The following NBEA variants were observed in gnomAD, a reference collection of about 807,000 sequenced individuals.
NBEA encodes the protein neurobeachin, also known as lysosomal-trafficking regulator 2.
In NBEA, 44 loss-of-function variants were observed where a neutral mutation model predicts 343.4. The ratio of observed to expected loss-of-function variants is 0.13; its 90% confidence interval spans 0.10 to 0.16. NBEA has a LOEUF of 0.16. NBEA is among the 10% of genes least tolerant of loss of function. The pLI is 1.00. For missense variants in NBEA, 2,555 were observed against 3,631.3 expected (o/e 0.70, Z 7.62); for synonymous variants, 1,175 against 1,238.7 (o/e 0.95, Z 1.08).
chr13:35,649,031 A>AAAG (rs139421615), intron 51 of NBEA, among the ~76,000 whole-genome samples: 25 of 152,150 alleles, frequency 1.6e-4, no homozygotes, highest in East Asian at 1.9e-4. Context: ...AATTAAAAAA[A>AAAG]AAGAAGAAGA....
intron 27 of NBEA, 101 bp from the exon 28 acceptor site, chr13:35,176,895 G>A (rs1326955533): frequency 4.3e-6 from 3 of 693,538 alleles, no homozygotes; most frequent in Admixed American, 4.7e-5. Context: ...TCAGAGAGGT[G>A]GAGATACATG....
chr13:35,654,688 C>A (rs2084723761), intron 53 of NBEA, among the ~76,000 whole-genome samples, 167 bp from the exon 54 acceptor site: 1 of 152,094 alleles, frequency 6.6e-6, no homozygotes, highest in Admixed American at 6.6e-5. Flanking sequence ...TAAATAATTA[C>A]TGCGAAGGAA....
intron 6 of NBEA, among the ~76,000 whole-genome samples, chr13:35,055,464 C>G (rs2063220541): frequency 6.6e-6 from 1 of 151,990 alleles, no homozygotes; most frequent in Non-Finnish European, 1.5e-5. Context: ...TTGAAGCTAC[C>G]TAAATCTTAT....
chr13:35,177,248 G>C (rs2070968816), intron 28 of NBEA, 145 bp downstream of exon 28: 1 of 599,574 alleles, frequency 1.7e-6, no homozygotes, highest in South Asian at 2.4e-5. Flanking sequence ...ATTATAAAAT[G>C]GTTGAACCTT....
chr13:35,660,750 A>G (rs779577896), intron 55 of NBEA, among the ~76,000 whole-genome samples: 2 of 152,228 alleles, frequency 1.3e-5, no homozygotes, highest in Non-Finnish European at 1.5e-5. Context: ...ATAAGAAATG[A>G]AAGCATGGCC....
chr13:35,023,670 G>A (rs2152543082), intron 1 of NBEA, among the ~76,000 whole-genome samples: 1 of 152,254 alleles, frequency 6.6e-6, no homozygotes, highest in South Asian at 2.1e-4. Flanking sequence ...AAGAAAAAGT[G>A]TGAGTAAAAA....
chr13:35,645,674 G>A (rs1462601391), intron 49 of NBEA, among the ~76,000 whole-genome samples, 195 bp from the exon 50 acceptor site: 1 of 152,086 alleles, frequency 6.6e-6, no homozygotes, highest in Non-Finnish European at 1.5e-5. Context: ...TAATATTCCA[G>A]AATTCATCTT....
intron 38 of NBEA, among the ~76,000 whole-genome samples, chr13:35,414,801 G>A (rs1007088970): frequency 2.4e-4 from 36 of 152,230 alleles, no homozygotes; most frequent in African/African-American, 8.2e-4. Flanking sequence ...CTGAGGAATC[G>A]CCACACTGTC....
At chr13:35,046,523 A>G (rs751321120) in intron 4 of NBEA, among the ~76,000 whole-genome samples, 4 of 152,140 alleles carry the variant, frequency 2.6e-5, no homozygotes, top group Non-Finnish European at 5.9e-5. Context: ...AGACTGTCTC[A>G]GTGGATACCT....
intron 36 of NBEA, among the ~76,000 whole-genome samples, chr13:35,330,449 G>A (rs2038857539): frequency 6.6e-6 from 1 of 151,920 alleles, no homozygotes; most frequent in Non-Finnish European, 1.5e-5. Flanking sequence ...CCTATCTAGG[G>A]GCTTTCCCTT....
intron 11 of NBEA, among the ~76,000 whole-genome samples, chr13:35,099,741 C>T (rs1289434771): frequency 1.3e-5 from 2 of 151,714 alleles, no homozygotes; most frequent in African/African-American, 2.4e-5. Flanking sequence ...TTACTTTTTC[C>T]CATTTTGTGT....
At chr13:35,382,862 G>A (rs970463377) in intron 38 of NBEA, among the ~76,000 whole-genome samples, 4 of 152,158 alleles carry the variant, frequency 2.6e-5, no homozygotes. Context: ...AGACTTTTAT[G>A]GGCTGTATTT....
rs528395112 is a variant in NBEA at position 35,337,836 on chromosome 13, C to T, written c.5904-11272C>T. On this transcript the variant is annotated intron_variant, in intron 36 of 58. Transcript: ENST00000379939. ...AAGAGAAGGAAATTTGAAAGATTCA[C>T]AAATGTGTGGAAGTTAAACAGGAAA... is the stretch of plus-strand genomic sequence containing the variant. Among the ~76,000 whole-genome samples the T allele has an allele frequency of 5.5e-4, 83 of 151,834 alleles. 2 individuals are homozygous for T. Among genetic ancestry groups the T allele is most frequent in the Non-Finnish European group, 8.8e-5 (6 of 67,886 alleles).
chr13:35,043,374 T>A (rs943088997), intron 2 of NBEA, among the ~76,000 whole-genome samples: 1 of 151,936 alleles, frequency 6.6e-6, no homozygotes, highest in Non-Finnish European at 1.5e-5. Flanking sequence ...AAATATTTTT[T>A]AAAGTTTTTT....
At chr13:35,177,669 T>G (rs2071007314) in intron 28 of NBEA, among the ~76,000 whole-genome samples, 1 of 151,806 alleles carries the variant, frequency 6.6e-6, no homozygotes, top group South Asian at 2.1e-4. Flanking sequence ...AAAAATAAGA[T>G]TGGCCTTTTC....
intron 47 of NBEA, among the ~76,000 whole-genome samples, chr13:35,600,948 G>A (rs1029545982): frequency 6.6e-6 from 1 of 152,050 alleles, no homozygotes; most frequent in African/African-American, 2.4e-5. Context: ...AGGCAGAGGT[G>A]GACAGATCAC....
intron 10 of NBEA, among the ~76,000 whole-genome samples, chr13:35,092,836 C>G (rs763884443): frequency 5.9e-5 from 9 of 151,994 alleles, no homozygotes; most frequent in Non-Finnish European, 2.9e-5. Flanking sequence ...AGCCTTTCTA[C>G]TCCTCGGCAT....
At chr13:34,950,193 T>A (rs2059306981) in intron 1 of NBEA, among the ~76,000 whole-genome samples, 1 of 152,200 alleles carries the variant, frequency 6.6e-6, no homozygotes, top group Non-Finnish European at 1.5e-5. Flanking sequence ...AAAATTTAGC[T>A]GCATTTCTGA....
chr13:35,491,456 C>T (rs1434999584), intron 41 of NBEA, among the ~76,000 whole-genome samples: 2 of 151,904 alleles, frequency 1.3e-5, no homozygotes, highest in East Asian at 3.9e-4. Context: ...CAATTGAGCA[C>T]CTGCTTCTCC....
Sources: gnomAD v4.1 joint callset for allele counts (sites outside exome capture counted in the v4.1 genomes callset) on GRCh38, gnomAD v4.1.1 for gene constraint, MANE v1.5 for transcripts, NCBI Gene and HGNC (gene_info 2026-07-23, HGNC 2026-07-21) for gene names.